The following NXPE3 variants were observed in gnomAD, a reference collection of about 807,000 sequenced individuals.
The protein encoded by NXPE3 is NXPE family member 3.
A neutral mutation model predicts 46.1 loss-of-function variants in NXPE3; 26 were observed. That is an observed-to-expected ratio of 0.56 (90% CI 0.41 to 0.78). NXPE3 has a LOEUF of 0.78. Among genes scored for constraint, NXPE3 ranks in the 30% least tolerant of loss-of-function variants. NXPE3 has a pLI of 0.00. For missense variants in NXPE3, 620 were observed against 686.0 expected (o/e 0.90, Z 1.07); for synonymous variants, 272 against 257.9 (o/e 1.05, Z -0.52).
At chr3:101,780,642 AT>A (rs1426948493) in intron 1 of NXPE3, among the ~76,000 whole-genome samples, 5 of 152,182 alleles carry the variant, frequency 3.3e-5, no homozygotes, top group Non-Finnish European at 7.4e-5. Context: ...AGTTGTTTGT[AT>A]TTTAAAAAGC....
rs1171622780 is a variant in NXPE3 at position 101,827,230 on chromosome 3, A to C, written c.*5276A>C. On this transcript the variant is annotated 3_prime_UTR_variant, in exon 8 of 8. Coordinates refer to ENST00000273347, the MANE Select transcript of NXPE3 (RefSeq NM_145037.4). The stretch of plus-strand genomic sequence containing the variant: ...TGCTTGGGGAAGATAACTTAAAAAA[A>C]AGTAGTACCGAGATTACAGCAGCTA... 2 of 152,190 alleles carry C rather than the reference A, an allele frequency of 1.3e-5. No individual in the cohort carries two copies. Among genetic ancestry groups the C allele is most frequent in the African/African-American group, 4.8e-5 (2 of 41,446 alleles). 9.4% of individuals were successfully genotyped at this position (152,190 alleles called of 1,614,324 possible). A position where few individuals can be genotyped will look rare whatever the true frequency, so the allele number is the denominator to read the frequency against.
rs1387957344 is a variant in NXPE3, at chr3:101,821,799, C to G, written c.1525C>G (p.Leu509Val). 20 of 1,614,096 alleles carry G rather than the reference C, an allele frequency of 1.2e-5. No homozygotes were observed. The highest frequency in any genetic ancestry group is 1.5e-5 in the Non-Finnish European group (18 of 1,180,042). ...GTACAACTTTCAGCTGGACACCATC[C>G]TTCGGAGGATGTTCTCAGGGGTTGG... ...DWYNFQLDTI[L>V]RRMFSGVGVY... The change falls in exon 8 of 8, where the codon CTT (leucine) becomes GTT (valine). Residue 509 changes from leucine to valine, a missense_variant. Leu to Val is a conservative substitution (Grantham distance 32). Transcript: ENST00000273347.
chr3:101,784,397 T>C lies in NXPE3; in HGVS notation c.-195-1005T>C, dbSNP rs147660158. Among the ~76,000 whole-genome samples, 68 of 152,218 alleles carry C rather than the reference T, an allele frequency of 4.5e-4. 1 individual carries two copies. The highest frequency in any genetic ancestry group is 1.6e-3 in the African/African-American group (66 of 41,536). On this transcript the variant is annotated intron_variant, in intron 3 of 7. Transcript: ENST00000273347. Reference sequence around the variant, plus strand: ...TGGAATGGCTCACCCTTGTCTCCTTTGTGAAGCTGATTGGCATTGTCATTG... The same window carrying C: ...TGGAATGGCTCACCCTTGTCTCCTTCGTGAAGCTGATTGGCATTGTCATTG...
Position 101,785,694 on chromosome 3 carries a change from G to A in NXPE3, c.93+5G>A. On this transcript the variant is annotated splice_donor_5th_base_variant and intron_variant, in intron 4 of 7. Coordinates refer to ENST00000273347, the MANE Select transcript of NXPE3 (RefSeq NM_145037.4). ...ATCAATGTTACTCAGGTAGAGGTGA[G>A]TACCCAGTATAATCCCTCATAACTA... 1.2e-6 allele frequency: 2 copies of A among 1,611,636 alleles called. No homozygotes were observed. Among genetic ancestry groups the A allele is most frequent in the Non-Finnish European group, 1.7e-6 (2 of 1,177,834 alleles).
chr3:101,795,132 A>G (rs573684896), intron 4 of NXPE3, among the ~76,000 whole-genome samples: 26 of 152,286 alleles, frequency 1.7e-4, no homozygotes, highest in African/African-American at 5.5e-4. Flanking sequence ...TCACTCTCTA[A>G]TCCCTTTCCA....
intron 6 of NXPE3, among the ~76,000 whole-genome samples, chr3:101,809,597 C>CT: frequency 6.6e-6 from 1 of 152,196 alleles, no homozygotes; most frequent in African/African-American, 2.4e-5. Context: ...AGTTGGAATT[C>CT]TTTTGCAAAG....
intron 1 of NXPE3, among the ~76,000 whole-genome samples, chr3:101,780,733 T>C (rs1939769968): frequency 6.6e-6 from 1 of 152,220 alleles, no homozygotes; most frequent in African/African-American, 2.4e-5. Context: ...AAATAGCACT[T>C]AGTACAGTGT....
chr3:101,808,157 G>A (rs974952153), intron 6 of NXPE3, among the ~76,000 whole-genome samples: 1 of 152,080 alleles, frequency 6.6e-6, no homozygotes, highest in East Asian at 1.9e-4. Context: ...CAAACTTTTC[G>A]GGTGACTCTG....
intron 5 of NXPE3, among the ~76,000 whole-genome samples, chr3:101,802,492 A>G (rs1016289883): frequency 1.3e-5 from 2 of 151,910 alleles, no homozygotes; most frequent in Non-Finnish European, 2.9e-5. Flanking sequence ...CAGGGCTGGT[A>G]GGGCTGGTAG....
intron 4 of NXPE3, among the ~76,000 whole-genome samples, chr3:101,800,945 A>G (rs535164932): frequency 1.3e-5 from 2 of 151,928 alleles, no homozygotes; most frequent in Non-Finnish European, 2.9e-5. Flanking sequence ...CCTTCTCTCA[A>G]GTTGGTTAGG....
intron 7 of NXPE3, among the ~76,000 whole-genome samples, chr3:101,819,608 CTTAAT>C (rs1238946947): frequency 2.6e-5 from 4 of 151,972 alleles, no homozygotes; most frequent in African/African-American, 9.7e-5. Context: ...TTGAACTTGC[CTTAAT>C]TTTATTTTTA....
chr3:101,812,448 C>T (rs1941754380), intron 6 of NXPE3, among the ~76,000 whole-genome samples: 1 of 152,110 alleles, frequency 6.6e-6, no homozygotes, highest in African/African-American at 2.4e-5. Flanking sequence ...ACCACCTCTA[C>T]CACTACCTGC....
At chr3:101,811,041 G>T (rs929798895) in intron 6 of NXPE3, among the ~76,000 whole-genome samples, 2 of 151,992 alleles carry the variant, frequency 1.3e-5, no homozygotes, top group Non-Finnish European at 2.9e-5. Flanking sequence ...GGCTGGTCTC[G>T]AACTCCTGAG....
At chr3:101,807,016 C>G (rs756813826) in intron 5 of NXPE3, 37 bp from the exon 6 acceptor site, 1 of 1,428,236 alleles carries the variant, frequency 7.0e-7, no homozygotes, top group Admixed American at 1.7e-5. Context: ...ATAAATGTTC[C>G]TGAACCTGAG....
intron 7 of NXPE3, among the ~76,000 whole-genome samples, chr3:101,820,052 T>C (rs1367654555): frequency 2.0e-5 from 3 of 152,196 alleles, no homozygotes; most frequent in Non-Finnish European, 4.4e-5. Context: ...TCCTCTAGTT[T>C]CATCCATGTT....
intron 5 of NXPE3, among the ~76,000 whole-genome samples, chr3:101,803,433 A>C (rs1941262249): frequency 6.6e-6 from 1 of 152,258 alleles, no homozygotes. Context: ...TCTATGGCTC[A>C]GTACAAAATG....
intron 4 of NXPE3, among the ~76,000 whole-genome samples, chr3:101,790,435 T>G (rs1417141964): frequency 6.6e-6 from 1 of 152,230 alleles, no homozygotes; most frequent in South Asian, 2.1e-4. Flanking sequence ...TTTAGAATTG[T>G]GTCCTCTTGA....
rs747172331 is a variant in NXPE3 at position 101,801,316 on chromosome 3, C to T, written c.175C>T (p.Arg59Ter). The change falls in exon 5 of 8, where the codon CGA becomes TGA. Residue 59 changes from arginine (R) to a stop codon, truncating the protein, a stop_gained. Transcript: ENST00000273347. LOFTEE classifies it high-confidence loss of function. ...TTCCTCCCAGGTGACAGGAATTAGCCGAAATCCCTACTGTGGCTATGATCA... is the reference window on the plus strand; with the variant it reads ...TTCCTCCCAGGTGACAGGAATTAGCTGAAATCCCTACTGTGGCTATGATCA... ...FVSSQVTGISRNPYCGYDQQT... is the reference protein window; with the variant it reads ...FVSSQVTGIS The T allele has an allele frequency of 2.3e-5, 37 of 1,614,048 alleles. No individual in the cohort carries two copies. Among genetic ancestry groups the T allele is most frequent in the Non-Finnish European group, 2.9e-5 (34 of 1,180,038 alleles).
chr3:101,814,800 AAAG>A (rs950286366), intron 6 of NXPE3, among the ~76,000 whole-genome samples: 2 of 152,194 alleles, frequency 1.3e-5, no homozygotes, highest in African/African-American at 4.8e-5. Flanking sequence ...AGAAAAAAAA[AAAG>A]AAATGGTTAA....
Sources: gnomAD v4.1 joint callset for allele counts (sites outside exome capture counted in the v4.1 genomes callset) on GRCh38, gnomAD v4.1.1 for gene constraint, MANE v1.5 for transcripts, NCBI Gene and HGNC (gene_info 2026-07-23, HGNC 2026-07-21) for gene names.